Variants in ZNF695 observed in about 807,000 individuals in gnomAD.
The protein encoded by ZNF695 is zinc finger protein SBZF3.
A neutral mutation model predicts 11.2 loss-of-function variants in ZNF695; 11 were observed. The ratio of observed to expected loss-of-function variants is 0.98; its 90% CI spans 0.62 to 1.62. ZNF695 has a LOEUF of 1.62. Among genes scored for constraint, ZNF695 ranks in the 40% most tolerant of loss-of-function variants. The pLI is 0.00. For synonymous variants in ZNF695, 190 were observed against 201.4 expected (o/e 0.94, Z 0.48); for missense variants, 559 against 590.5 (o/e 0.95, Z 0.55).
intron 5 of ZNF695, chr1:246,966,923 T>TA (rs1359723251): frequency 4.1e-5 from 18 of 434,522 alleles, no homozygotes; most frequent in African/African-American, 3.5e-4. Flanking sequence ...TAAATCATAT[T>TA]AAATGTTACT....
At chr1:246,976,523 G>T (rs755362194) in intron 4 of ZNF695, among the ~76,000 whole-genome samples, 10 of 151,954 alleles carry the variant, frequency 6.6e-5, no homozygotes, top group Non-Finnish European at 1.3e-4. Flanking sequence ...GGCCGGGCGC[G>T]GTGGCTCACA....
chr1:246,946,158 C>T (rs545082692), intron 5 of ZNF695, among the ~76,000 whole-genome samples: 2 of 152,294 alleles, frequency 1.3e-5, no homozygotes, highest in African/African-American at 2.4e-5. Flanking sequence ...AGGCTATCAT[C>T]CTCCCGCCGC....
intron 3 of ZNF695, among the ~76,000 whole-genome samples, chr1:246,990,981 T>G (rs1035880659): frequency 2.0e-5 from 3 of 152,032 alleles, no homozygotes; most frequent in African/African-American, 7.2e-5. Context: ...AGTTTATAGT[T>G]ACAAGTGCCT....
chr1:246,978,391 A>G (rs1442465298), intron 4 of ZNF695, among the ~76,000 whole-genome samples: 1 of 152,256 alleles, frequency 6.6e-6, no homozygotes, highest in Non-Finnish European at 1.5e-5. Flanking sequence ...ATAATCAAAC[A>G]TAACCTGTTA....
rs879375430 is a variant in ZNF695 at position 246,974,157 on chromosome 1, C to CAAAAAA, written c.391-6366_391-6365insTTTTTT. 7.8e-5 allele frequency among the ~76,000 whole-genome samples: 10 copies of CAAAAAA among 127,390 alleles called. 1 individual carries two copies. Among genetic ancestry groups the CAAAAAA allele is most frequent in the Non-Finnish European group, 1.4e-4 (9 of 62,890 alleles). 83.6% of individuals were successfully genotyped at this position (127,390 alleles called of 152,430 possible). On this transcript the variant is annotated intron_variant, in intron 4 of 5. Coordinates refer to the ZNF695 transcript ENST00000487338. Reference sequence around the variant, plus strand: ...TTATTTGGAATAAAAAACAAACAAACAAACAAAAAAAAACAAACAAAAAAC... The same window carrying CAAAAAA: ...TTATTTGGAATAAAAAACAAACAAACAAAAAAAAACAAAAAAAAACAAACAAAAAAC...
intron 3 of ZNF695, among the ~76,000 whole-genome samples, chr1:246,993,788 G>C (rs896561184): frequency 4.6e-5 from 7 of 152,084 alleles, no homozygotes; most frequent in African/African-American, 1.7e-4. Flanking sequence ...TCAACAAAAA[G>C]ATAAAAAGTA....
intron 5 of ZNF695, among the ~76,000 whole-genome samples, chr1:246,965,765 A>T (rs553541245): frequency 6.6e-6 from 1 of 152,120 alleles, no homozygotes; most frequent in African/African-American, 2.4e-5. Context: ...GAAGAAAGAA[A>T]AAGAAAAAAA....
intron 4 of ZNF695, among the ~76,000 whole-genome samples, chr1:246,973,512 G>A (rs1015629848): frequency 5.9e-5 from 9 of 152,266 alleles, no homozygotes; most frequent in Admixed American, 1.3e-4. Flanking sequence ...AATGTGTACC[G>A]TGAGTTGCTA....
chr1:246,945,842 G>A, intron 5 of ZNF695: 1 of 1,549,880 alleles, frequency 6.5e-7, no homozygotes, highest in African/African-American at 1.4e-5. Context: ...AAAAAAGAAA[G>A]AAAGAAAAGC....
intron 3 of ZNF695, among the ~76,000 whole-genome samples, chr1:246,988,551 T>C (rs909800933): frequency 2.6e-5 from 4 of 152,082 alleles, no homozygotes; most frequent in African/African-American, 9.7e-5. Context: ...ATGACATACT[T>C]AAAGTGCTGA....
intron 4 of ZNF695, among the ~76,000 whole-genome samples, chr1:246,977,325 T>A (rs578078622): frequency 6.6e-6 from 1 of 152,316 alleles, no homozygotes; most frequent in South Asian, 2.1e-4. Context: ...GGTGTGATCT[T>A]GGCTCACTGC....
rs1326134440 is a variant in ZNF695, at chr1:246,985,868, A to G, written c.*1099T>C. 2 of 985,418 alleles carry G rather than the reference A, an allele frequency of 2.0e-6. No individual in the cohort carries two copies. The highest frequency in any genetic ancestry group is 4.7e-5 in the South Asian group (1 of 21,286). The allele number at this position is 985,418 out of a possible 1,614,324, so 61.0% of individuals were successfully genotyped here. A position where few individuals can be genotyped will look rare whatever the true frequency, so the allele number is the denominator to read the frequency against. ...ACAATGCAATGTCCATAATCTTCCA[A>G]AGAAAAGGATATGAACAACACCCAC... On this transcript the variant is annotated 3_prime_UTR_variant, in exon 4 of 4. Transcript: ENST00000339986.
chr1:246,988,315 A>T, intron 3 of ZNF695, 60 bp from the exon 4 acceptor site: 5 of 1,307,660 alleles, frequency 3.8e-6, no homozygotes, highest in Non-Finnish European at 5.2e-6. Context: ...TTACAAATCT[A>T]AGGCATAAAA....
At chr1:246,993,601 G>A (rs1343718370) in intron 3 of ZNF695, among the ~76,000 whole-genome samples, 1 of 152,006 alleles carries the variant, frequency 6.6e-6, no homozygotes, top group East Asian at 1.9e-4. Flanking sequence ...AGATTACAAT[G>A]TATACAAAGT....
chr1:246,986,713 A>C lies in ZNF695; in HGVS notation c.*254T>G. 1 of 1,172,154 alleles carries C rather than the reference A, an allele frequency of 8.5e-7. No individual in the cohort carries two copies. Among genetic ancestry groups the C allele is most frequent in the Non-Finnish European group, 1.1e-6 (1 of 948,954 alleles). 72.6% of individuals were successfully genotyped at this position (1,172,154 alleles called of 1,614,324 possible). A position where few individuals can be genotyped will look rare whatever the true frequency, so the allele number is the denominator to read the frequency against. Reference sequence around the variant, plus strand: ...TTTGAAATTGAATACAGTTTGAGCAACTGGAGGGTTTCCCTCCAGTATAAA... The same window carrying C: ...TTTGAAATTGAATACAGTTTGAGCACCTGGAGGGTTTCCCTCCAGTATAAA... On this transcript the variant is annotated 3_prime_UTR_variant, in exon 4 of 4. Transcript: ENST00000339986.
intron 5 of ZNF695, among the ~76,000 whole-genome samples, chr1:246,960,153 C>T (rs150812415): frequency 3.3e-5 from 5 of 152,300 alleles, no homozygotes; most frequent in East Asian, 3.9e-4. Context: ...CATTTTGCCA[C>T]GTCATTATTT....
chr1:246,964,394 A>T (rs923672031), intron 5 of ZNF695, among the ~76,000 whole-genome samples: 5 of 152,176 alleles, frequency 3.3e-5, no homozygotes, highest in Admixed American at 2.6e-4. Flanking sequence ...TTACCCAGGA[A>T]ATTCCAAGTG....
chr1:246,984,335 A>AAAG (rs1439005172), downstream of ZNF695, among the ~76,000 whole-genome samples: 1 of 151,686 alleles, frequency 6.6e-6, no homozygotes, highest in Non-Finnish European at 1.5e-5. Context: ...AGTTGAGAAG[A>AAAG]AAGAAAAAGA....
chr1:246,982,550 T>C (rs1668737385), downstream of ZNF695, among the ~76,000 whole-genome samples: 1 of 152,216 alleles, frequency 6.6e-6, no homozygotes, highest in African/African-American at 2.4e-5. Flanking sequence ...GCTTTACCTA[T>C]TCTAATTAAT....
Sources: gnomAD v4.1 joint callset for allele counts (sites outside exome capture counted in the v4.1 genomes callset) on GRCh38, gnomAD v4.1.1 for gene constraint, MANE v1.5 for transcripts, NCBI Gene and HGNC (gene_info 2026-07-23, HGNC 2026-07-21) for gene names.